The following DRC2 variants were observed in gnomAD, a reference collection of about 807,000 sequenced individuals.
DRC2 encodes dynein regulatory complex subunit 2, also known as coiled-coil domain containing 65.
At chr12:48,914,507 T>C in the DRC2 span, 11 of 1,614,166 alleles carry the variant, frequency 6.8e-6, no homozygotes, top group Admixed American at 1.7e-5. Context: ...AGGCACCGGC[T>C]CAGTCTCCTG....
the DRC2 span, among the ~76,000 whole-genome samples, chr12:48,916,096 G>A: frequency 2.0e-5 from 3 of 148,948 alleles, no homozygotes; most frequent in Non-Finnish European, 3.0e-5. Context: ...GCCAGGCAGA[G>A]ACGCTCCTCA....
chr12:48,914,082 T>C, the DRC2 span, among the ~76,000 whole-genome samples: 1 of 151,912 alleles, frequency 6.6e-6, no homozygotes, highest in Admixed American at 6.6e-5. Flanking sequence ...GCCTGGGTAA[T>C]TTTTATGGGT....
the DRC2 span, among the ~76,000 whole-genome samples, chr12:48,920,455 A>G: frequency 6.7e-6 from 1 of 148,236 alleles, no homozygotes; most frequent in East Asian, 2.0e-4. Flanking sequence ...AAAAAAAAAA[A>G]AAAAAAAAAA....
chr12:48,911,331 G>A, the DRC2 span, among the ~76,000 whole-genome samples: 19 of 152,040 alleles, frequency 1.2e-4, no homozygotes, highest in African/African-American at 4.4e-4. Flanking sequence ...AGGCTGAGGC[G>A]GCAGATCCTT....
the DRC2 span, chr12:48,918,010 T>C: frequency 1.8e-5 from 7 of 398,168 alleles, no homozygotes; most frequent in African/African-American, 1.2e-4. Context: ...CTGGGCCACA[T>C]TTCCAAATGG....
chr12:48,916,567 C>A, the DRC2 span, among the ~76,000 whole-genome samples: 1 of 152,188 alleles, frequency 6.6e-6, no homozygotes, highest in African/African-American at 2.4e-5. Flanking sequence ...CCAGCTTCGG[C>A]TCGGCATGAG....
the DRC2 span, chr12:48,904,600 T>A: frequency 3.1e-6 from 4 of 1,302,844 alleles, no homozygotes; most frequent in Admixed American, 2.5e-5. Context: ...TACTTAGATT[T>A]CAGGCAACAT....
the DRC2 span, chr12:48,918,956 C>A: frequency 7.0e-7 from 1 of 1,432,046 alleles, no homozygotes; most frequent in Non-Finnish European, 9.8e-7. Flanking sequence ...TGCCTCCCTG[C>A]AAAGTGAAAG....
At chr12:48,912,437 C>CAAAAAAAAAAAAAAAAAAAAAAAAAAAAA in the DRC2 span, among the ~76,000 whole-genome samples, 7 of 45,362 alleles carry the variant, frequency 1.5e-4, 1 homozygote, top group East Asian at 7.3e-4. Flanking sequence ...GACGCCGTCT[C>CAAAAAAAAAAAAAAAAAAAAAAAAAAAAA]AAAAAAAAAA....
At chr12:48,911,481 T>C in the DRC2 span, among the ~76,000 whole-genome samples, 1 of 152,152 alleles carries the variant, frequency 6.6e-6, no homozygotes, top group African/African-American at 2.4e-5. Flanking sequence ...CAATTGAGCC[T>C]GGGAGGTTGA....
chr12:48,918,664 TA>T, the DRC2 span: 1 of 1,605,920 alleles, frequency 6.2e-7, no homozygotes, highest in South Asian at 1.1e-5. Context: ...AGATTTCCCC[TA>T]ATCTACTCTG....
At chr12:48,907,201 C>T in the DRC2 span, among the ~76,000 whole-genome samples, 12 of 152,066 alleles carry the variant, frequency 7.9e-5, no homozygotes, top group African/African-American at 2.9e-4. Flanking sequence ...GGTGACAGAG[C>T]GAGACTCCGT....
chr12:48,906,390 G>A, the DRC2 span, among the ~76,000 whole-genome samples: 1 of 149,174 alleles, frequency 6.7e-6, no homozygotes, highest in African/African-American at 2.5e-5. Flanking sequence ...TGCAACCTCC[G>A]CCTCCCGAGT....
the DRC2 span, among the ~76,000 whole-genome samples, chr12:48,908,615 A>AT: frequency 6.8e-6 from 1 of 146,778 alleles, no homozygotes; most frequent in Non-Finnish European, 1.5e-5. Flanking sequence ...TTATTTATTT[A>AT]TTTATTTTAT....
At chr12:48,905,140 G>A in the DRC2 span, 35 of 1,564,580 alleles carry the variant, frequency 2.2e-5, no homozygotes, top group Non-Finnish European at 3.0e-5. Flanking sequence ...AGGAAACCTT[G>A]AGTATGGCTT....
chr12:48,904,559 C>A, the DRC2 span: 1 of 1,478,404 alleles, frequency 6.8e-7, no homozygotes, highest in South Asian at 1.3e-5. Flanking sequence ...ATCCTGACCT[C>A]CCCTCCTCCG....
At chr12:48,918,100 C>T in the DRC2 span, 3 of 606,150 alleles carry the variant, frequency 4.9e-6, no homozygotes, top group Non-Finnish European at 8.6e-6. Flanking sequence ...ACAGGCCCCA[C>T]CCGGCCCACA....
At chr12:48,914,596 G>C in the DRC2 span, 2 of 1,610,354 alleles carry the variant, frequency 1.2e-6, no homozygotes, top group Non-Finnish European at 1.7e-6. Context: ...AAGAGAAGAT[G>C]GGGAATTGAA....
the DRC2 span, among the ~76,000 whole-genome samples, chr12:48,915,807 G>A: frequency 6.6e-6 from 1 of 151,828 alleles, no homozygotes; most frequent in Admixed American, 6.6e-5. Context: ...CCCGGACGGG[G>A]TGGCTGCCGG....
Sources: allele counts gnomAD v4.1 joint callset (sites outside exome capture counted in the v4.1 genomes callset), GRCh38; gene constraint gnomAD v4.1.1; transcripts MANE v1.5; gene names NCBI Gene and HGNC (gene_info 2026-07-23, HGNC 2026-07-21).